Variants in FGF14 observed in about 807,000 individuals in gnomAD.
FGF14 encodes the protein fibroblast growth factor homologous factor 4.
A neutral mutation model predicts 25.5 loss-of-function variants in FGF14; 5 were observed. That is an observed-to-expected ratio of 0.20 (90% CI 0.10 to 0.41). The LOEUF (loss-of-function observed/expected upper bound fraction) is 0.41. Ranked by LOEUF, FGF14 falls within the 10% of genes least tolerant of loss-of-function variation. The probability of loss-of-function intolerance (pLI) is 1.00; values close to 1 mark genes in which losing one functional copy is unlikely to be tolerated. For synonymous variants in FGF14, 138 were observed against 118.3 expected, an observed-to-expected ratio of 1.17 and a Z score of -1.08; for missense variants, 222 against 320.1, an observed-to-expected ratio of 0.69 and a Z score of 2.34.
intron 3 of FGF14, among the ~76,000 whole-genome samples, chr13:101,786,933 C>T (rs1433034979): frequency 6.6e-6 from 1 of 152,118 alleles, no homozygotes; most frequent in Non-Finnish European, 1.5e-5. Flanking sequence ...TTTCTCAACA[C>T]ACAAGCCAGG....
chr13:101,806,720 A>G (rs1010362129), intron 3 of FGF14, among the ~76,000 whole-genome samples: 1 of 152,150 alleles, frequency 6.6e-6, no homozygotes, highest in Non-Finnish European at 1.5e-5. Flanking sequence ...TGCCTGTATC[A>G]AAGTATTAAA....
intron 1 of FGF14, among the ~76,000 whole-genome samples, chr13:102,241,245 C>T (rs1566853035): frequency 6.6e-6 from 1 of 151,930 alleles, no homozygotes; most frequent in Non-Finnish European, 1.5e-5. Flanking sequence ...TGATTTTTTT[C>T]CCCTTTGCAT....
Position 102,198,162 on chromosome 13 carries a change from T to G in FGF14, c.208+203309A>C, listed in dbSNP as rs78229514. On this transcript the variant is annotated intron_variant, in intron 1 of 4. Coordinates refer to the FGF14 transcript ENST00000376131. ...GTACCTCACCTCTTGGAGGTAGATG[T>G]TGCAGTGGCAGCCTCAAACAGGGAT... 4.7e-3 allele frequency among the ~76,000 whole-genome samples: 714 copies of G among 152,288 alleles called. 6 individuals are homozygous for G. The highest frequency in any genetic ancestry group is 0.016 in the African/African-American group (674 of 41,554).
intron 1 of FGF14, among the ~76,000 whole-genome samples, chr13:101,963,629 G>T (rs1396484706): frequency 6.6e-6 from 1 of 152,294 alleles, no homozygotes; most frequent in East Asian, 1.9e-4. Flanking sequence ...GGATATCCAT[G>T]ATATGAATGC....
intron 1 of FGF14, among the ~76,000 whole-genome samples, chr13:102,205,984 TAAAAAAAAAAAAAAAAAAAAAAAAAAAA>T (rs36108366): frequency 0.13 from 6,145 of 47,344 alleles, 806 homozygotes; most frequent in African/African-American, 0.23. Flanking sequence ...CTCCCTGTGG[TAAAAAAAAAAAAAAAAAAAAAAAAAAAA>T]AAAAAAAAAA....
Position 102,053,930 on chromosome 13 carries a change from T to C in FGF14, c.209-178634A>G, listed in dbSNP as rs140825490. Among the ~76,000 whole-genome samples the C allele has an allele frequency of 3.2e-4, 49 of 152,304 alleles. 1 individual carries two copies. The East Asian group carries it at 9.4e-3, about 29-fold the overall frequency. ...TATCTTTCACATTTAACACAGTTCCTGGCACATAGTACTCACTCAACTAGT... is the reference window on the plus strand; with the variant it reads ...TATCTTTCACATTTAACACAGTTCCCGGCACATAGTACTCACTCAACTAGT... On this transcript the variant is annotated intron_variant, in intron 1 of 4. Transcript: ENST00000376131.
At chr13:102,058,764 C>A (rs765977267) in intron 1 of FGF14, among the ~76,000 whole-genome samples, 1 of 152,018 alleles carries the variant, frequency 6.6e-6, no homozygotes, top group Non-Finnish European at 1.5e-5. Flanking sequence ...AATCTAATAA[C>A]CAGTCTTACT....
intron 1 of FGF14, among the ~76,000 whole-genome samples, chr13:102,243,688 C>T (rs529988563): frequency 2.0e-5 from 3 of 147,746 alleles, no homozygotes; most frequent in African/African-American, 5.0e-5. Context: ...CTCTGGCCCT[C>T]GATGAAATGT....
intron 1 of FGF14, among the ~76,000 whole-genome samples, chr13:102,257,675 A>T (rs1488380167): frequency 6.6e-6 from 1 of 152,006 alleles, no homozygotes; most frequent in Non-Finnish European, 1.5e-5. Context: ...CCAACTACCC[A>T]TCTTCTGCCA....
intron 3 of FGF14, among the ~76,000 whole-genome samples, chr13:101,808,901 A>T (rs527880127): frequency 6.6e-6 from 1 of 152,282 alleles, no homozygotes; most frequent in Non-Finnish European, 1.5e-5. Context: ...GTAATTTACA[A>T]CTTCCTATAT....
At chr13:101,909,857 G>T (rs2032706274) in intron 1 of FGF14, among the ~76,000 whole-genome samples, 1 of 152,144 alleles carries the variant, frequency 6.6e-6, no homozygotes, top group Non-Finnish European at 1.5e-5. Context: ...GTCCAACAAT[G>T]ATAGACTGGG....
intron 1 of FGF14, among the ~76,000 whole-genome samples, chr13:101,976,852 G>T (rs558085702): frequency 7.0e-4 from 106 of 152,316 alleles, no homozygotes; most frequent in Non-Finnish European, 1.3e-3. Context: ...GCAATGATCA[G>T]CAGATATCGC....
intron 1 of FGF14, among the ~76,000 whole-genome samples, chr13:101,954,287 G>A (rs1315187101): frequency 7.6e-6 from 1 of 131,206 alleles, no homozygotes; most frequent in Non-Finnish European, 1.6e-5. Context: ...GAGTTATGGA[G>A]CATCAACAAT....
At chr13:102,009,958 A>G (rs546382997) in intron 1 of FGF14, among the ~76,000 whole-genome samples, 1 of 152,360 alleles carries the variant, frequency 6.6e-6, no homozygotes, top group African/African-American at 2.4e-5. Context: ...AAGGTTGACT[A>G]TAAAATTTCA....
At chr13:101,828,936 A>G (rs1238352242) in intron 3 of FGF14, among the ~76,000 whole-genome samples, 2 of 152,050 alleles carry the variant, frequency 1.3e-5, no homozygotes, top group Non-Finnish European at 2.9e-5. Flanking sequence ...CCAATATCAT[A>G]CTAGGTGTTA....
intron 1 of FGF14, among the ~76,000 whole-genome samples, chr13:102,204,812 T>A (rs1025456155): frequency 1.3e-5 from 2 of 152,130 alleles, no homozygotes; most frequent in Non-Finnish European, 2.9e-5. Flanking sequence ...CCCAAAGTGC[T>A]AGGATTGGTG....
intron 1 of FGF14, among the ~76,000 whole-genome samples, chr13:102,141,415 C>T (rs1594120404): frequency 1.3e-5 from 2 of 152,292 alleles, no homozygotes; most frequent in Admixed American, 1.3e-4. Context: ...TGATACTTAT[C>T]AGTACAAAAA....
At chr13:101,905,912 C>A (rs967148261) in intron 1 of FGF14, among the ~76,000 whole-genome samples, 3 of 152,214 alleles carry the variant, frequency 2.0e-5, no homozygotes, top group African/African-American at 7.2e-5. Context: ...GGAAAAATTC[C>A]TTCACTTCCT....
At chr13:102,299,574 AT>A (rs66497864) in intron 1 of FGF14, among the ~76,000 whole-genome samples, 23,249 of 151,990 alleles carry the variant, frequency 0.15, 1,907 homozygotes, top group East Asian at 0.37. Context: ...GGCTGCCTGA[AT>A]TTCTACCTGC....
Sources: allele counts gnomAD v4.1 joint callset (sites outside exome capture counted in the v4.1 genomes callset), GRCh38; gene constraint gnomAD v4.1.1; transcripts MANE v1.5; gene names NCBI Gene and HGNC (gene_info 2026-07-23, HGNC 2026-07-21).